NAALADL2: variants seen among roughly 807,000 people sequenced by gnomAD.
NAALADL2 encodes N-acetylated alpha-linked acidic dipeptidase like 2.
NAALADL2 carries 76 observed loss-of-function variants against 87.2 expected under a neutral mutation model. That is an observed-to-expected ratio of 0.87 (90% CI 0.72 to 1.05). The LOEUF (loss-of-function observed/expected upper bound fraction) is 1.05. Among genes scored for constraint, NAALADL2 ranks in the 50% least tolerant of loss-of-function variants. The pLI is 0.00. For missense variants in NAALADL2, 1,089 were observed against 945.8 expected (o/e 1.15, Z -1.99); for synonymous variants, 354 against 331.0 (o/e 1.07, Z -0.75).
At chr3:175,345,068 T>C (rs2148853698) in intron 5 of NAALADL2, among the ~76,000 whole-genome samples, 1 of 82,686 alleles carries the variant, frequency 1.2e-5, no homozygotes, top group South Asian at 4.1e-4. Context: ...CCTATGCTGT[T>C]ATTCATCTTA....
chr3:175,466,589 G>T (rs749543117), intron 7 of NAALADL2, among the ~76,000 whole-genome samples: 1 of 151,986 alleles, frequency 6.6e-6, no homozygotes, highest in Admixed American at 6.6e-5. Flanking sequence ...TATTTAAAGC[G>T]CCTTCTTAAA....
At chr3:175,247,616 G>A (rs1748224119) in intron 3 of NAALADL2, among the ~76,000 whole-genome samples, 1 of 152,126 alleles carries the variant, frequency 6.6e-6, no homozygotes, top group African/African-American at 2.4e-5. Context: ...GAGAGTAATA[G>A]GCAGGACCAG....
At chr3:175,417,091 C>A (rs1581795020) in intron 5 of NAALADL2, among the ~76,000 whole-genome samples, 1 of 123,780 alleles carries the variant, frequency 8.1e-6, no homozygotes, top group Admixed American at 8.7e-5. Flanking sequence ...AGAAAACAAG[C>A]AGCCAAAATA....
At chr3:175,428,378 C>T (rs1241312152) in intron 5 of NAALADL2, among the ~76,000 whole-genome samples, 2 of 152,094 alleles carry the variant, frequency 1.3e-5, no homozygotes, top group African/African-American at 4.8e-5. Context: ...TTTCAGACTT[C>T]ATTCCACTTT....
intron 10 of NAALADL2, among the ~76,000 whole-genome samples, chr3:175,605,645 T>TTTTTTTTTTTTTTTTTTTTTTTTTTG (rs1723618992): frequency 3.0e-5 from 1 of 33,100 alleles, no homozygotes; most frequent in African/African-American, 5.2e-5. Context: ...TGCTTGTTTT[T>TTTTTTTTTTTTTTTTTTTTTTTTTTG]TTTTTTTTTT....
chr3:174,957,709 G>T (rs1276988477), intron 1 of NAALADL2, among the ~76,000 whole-genome samples: 1 of 151,446 alleles, frequency 6.6e-6, no homozygotes, highest in South Asian at 2.1e-4. Context: ...ATCTTTAAAT[G>T]AATAGCATAT....
intron 10 of NAALADL2, among the ~76,000 whole-genome samples, chr3:175,614,532 ACT>A (rs1382270220): frequency 1.3e-5 from 2 of 151,428 alleles, no homozygotes; most frequent in African/African-American, 4.9e-5. Context: ...TATATTGAAA[ACT>A]CTGTTAAGCC....
At chr3:175,353,363 T>G (rs573809741) in intron 5 of NAALADL2, among the ~76,000 whole-genome samples, 1 of 152,242 alleles carries the variant, frequency 6.6e-6, no homozygotes, top group East Asian at 1.9e-4. Context: ...ATAAAACATA[T>G]AATATTAGTA....
rs1048393710 is a variant in NAALADL2 at position 174,447,764 on chromosome 3, G to A, written c.-184+6732G>A. 1.1e-4 allele frequency among the ~76,000 whole-genome samples: 17 copies of A among 151,686 alleles called. No individual in the cohort carries two copies. In the South Asian group the frequency reaches 3.1e-3, roughly 28 times the overall value. On this transcript the variant is annotated intron_variant, in intron 1 of 3. Coordinates refer to the NAALADL2 transcript ENST00000434257. ...TGGAAGGCGGAGCTTTCAGTGAGCCGAGATCACACCACTGCACTCCAGCCG... is the reference window on the plus strand; with the variant it reads ...TGGAAGGCGGAGCTTTCAGTGAGCCAAGATCACACCACTGCACTCCAGCCG...
intron 1 of NAALADL2, among the ~76,000 whole-genome samples, chr3:174,928,932 C>T (rs1382175250): frequency 6.6e-6 from 1 of 151,860 alleles, no homozygotes; most frequent in African/African-American, 2.4e-5. Context: ...AGTCACTTGC[C>T]CATATAGAAC....
chr3:174,839,833 A>AT (rs1723805593), intron 3 of NAALADL2, among the ~76,000 whole-genome samples: 1 of 151,072 alleles, frequency 6.6e-6, no homozygotes, highest in African/African-American at 2.5e-5. Context: ...CATAATAAAA[A>AT]AAAAATAATA....
In NAALADL2 at chr3:175,016,259, T is replaced by TTATATATA. The variant is rs368712908; in HGVS notation, c.44-80520_44-80513dup. Among the ~76,000 whole-genome samples, 103 of 119,006 alleles carry TTATATATA rather than the reference T, an allele frequency of 8.7e-4. 2 individuals carry two copies. The highest frequency in any genetic ancestry group is 3.2e-3 in the African/African-American group (91 of 28,734). 78.1% of individuals were successfully genotyped at this position (119,006 alleles called of 152,430 possible). A position where few individuals can be genotyped will look rare whatever the true frequency, so the allele number is the denominator to read the frequency against. ...TTTAGGCCTATCTCAGATAAATTAT[T>TTATATATA]TATATATATATATATATAAAAAACA... On this transcript the variant is annotated intron_variant, in intron 1 of 13. Coordinates refer to ENST00000454872, the MANE Select transcript of NAALADL2 (RefSeq NM_207015.3).
chr3:175,282,257 T>C (rs1754406472), intron 4 of NAALADL2, among the ~76,000 whole-genome samples: 1 of 152,040 alleles, frequency 6.6e-6, no homozygotes, highest in Non-Finnish European at 1.5e-5. Context: ...TATGTGATGA[T>C]TATAGCATGA....
At chr3:175,340,554 A>C (rs1384221666) in intron 5 of NAALADL2, among the ~76,000 whole-genome samples, 2 of 152,150 alleles carry the variant, frequency 1.3e-5, no homozygotes, top group Non-Finnish European at 2.9e-5. Context: ...TCCCCTTCTC[A>C]GTTCTACAAA....
At chr3:175,797,120 A>G (rs1341540571) in intron 13 of NAALADL2, among the ~76,000 whole-genome samples, 1 of 152,022 alleles carries the variant, frequency 6.6e-6, no homozygotes, top group Non-Finnish European at 1.5e-5. Context: ...CACTATAATG[A>G]GTGATGTGTG....
chr3:175,508,609 T>C (rs1730682340), intron 9 of NAALADL2, among the ~76,000 whole-genome samples: 1 of 152,170 alleles, frequency 6.6e-6, no homozygotes, highest in African/African-American at 2.4e-5. Context: ...TATTTTCTTT[T>C]CCTCTTGCTT....
intron 2 of NAALADL2, among the ~76,000 whole-genome samples, chr3:174,557,546 G>T (rs73042603): frequency 1.3e-5 from 2 of 151,910 alleles, no homozygotes; most frequent in African/African-American, 4.8e-5. Flanking sequence ...CCTTTAAGAG[G>T]TACAGCTGTA....
chr3:175,663,926 T>A (rs1732618232), intron 11 of NAALADL2, among the ~76,000 whole-genome samples: 1 of 152,034 alleles, frequency 6.6e-6, no homozygotes, highest in Non-Finnish European at 1.5e-5. Context: ...ATTTGCATGA[T>A]GTATTTTTGT....
At chr3:175,452,956 C>T (rs1721800604) in intron 6 of NAALADL2, among the ~76,000 whole-genome samples, 1 of 152,142 alleles carries the variant, frequency 6.6e-6, no homozygotes, top group Non-Finnish European at 1.5e-5. Flanking sequence ...TCACCCAGAA[C>T]TTCTCAAGTT....
Sources: gnomAD v4.1 joint callset for allele counts (sites outside exome capture counted in the v4.1 genomes callset) on GRCh38, gnomAD v4.1.1 for gene constraint, MANE v1.5 for transcripts, NCBI Gene and HGNC (gene_info 2026-07-23, HGNC 2026-07-21) for gene names.